SLC28A3: variants seen among roughly 807,000 people sequenced by gnomAD.
SLC28A3 encodes the protein concentrative Na(+)-nucleoside cotransporter 3.
In SLC28A3, 68 loss-of-function variants were observed where a neutral mutation model predicts 84.2. That is an observed-to-expected ratio of 0.81 (90% confidence interval 0.66 to 0.99). SLC28A3 has a LOEUF of 0.99. Among genes scored for constraint, SLC28A3 ranks in the 50% least tolerant of loss-of-function variants. The pLI, the probability that SLC28A3 is intolerant of heterozygous loss-of-function variation, is 0.00. For missense variants in SLC28A3, 712 were observed against 841.5 expected, an observed-to-expected ratio of 0.85 and a Z score of 1.90; for synonymous variants, 267 against 303.6, an observed-to-expected ratio of 0.88 and a Z score of 1.25.
chr9:84,308,098 C>CAT (rs769145946), intron 3 of SLC28A3, among the ~76,000 whole-genome samples: 16 of 152,142 alleles, frequency 1.1e-4, no homozygotes, highest in Non-Finnish European at 2.2e-4. Flanking sequence ...TCTTCTGATA[C>CAT]ATATAACAAA....
At chr9:84,367,154 A>G in the SLC28A3 span, among the ~76,000 whole-genome samples, 1 of 152,086 alleles carries the variant, frequency 6.6e-6, no homozygotes, top group Admixed American at 6.6e-5. Flanking sequence ...CTTCATAGCC[A>G]CCACCACCGC....
At chr9:84,280,094 G>T (rs763039024) in intron 15 of SLC28A3, 21 bp from the exon 16 acceptor site, 33 of 1,607,886 alleles carry the variant, frequency 2.1e-5, no homozygotes, top group Non-Finnish European at 2.8e-5. Context: ...TGGAAGGAGG[G>T]ATGTGAGATC....
At chr9:84,283,803 G>A (rs199777267) in intron 14 of SLC28A3, among the ~76,000 whole-genome samples, 5 of 152,322 alleles carry the variant, frequency 3.3e-5, no homozygotes, top group Middle Eastern at 3.4e-3. Context: ...CACATGGTAC[G>A]TTCTGTTCTG....
chr9:84,301,258 G>C (rs12377274), intron 5 of SLC28A3, among the ~76,000 whole-genome samples: 1 of 146,630 alleles, frequency 6.8e-6, no homozygotes, highest in African/African-American at 2.5e-5. Flanking sequence ...GCTGAGGCAC[G>C]AGAATCATTT....
intron 1 of SLC28A3, among the ~76,000 whole-genome samples, chr9:84,319,339 A>G (rs889271301): frequency 6.6e-6 from 1 of 152,084 alleles, no homozygotes; most frequent in African/African-American, 2.4e-5. Context: ...TTCTTCCTTA[A>G]ATACAGGGTT....
intron 14 of SLC28A3, among the ~76,000 whole-genome samples, chr9:84,282,159 TAAAAG>T (rs1028687780): frequency 2.0e-5 from 3 of 151,816 alleles, no homozygotes; most frequent in African/African-American, 7.3e-5. Flanking sequence ...ATAATAAAAA[TAAAAG>T]AAATTCTAGA....
In SLC28A3 at chr9:84,292,475, G is replaced by GTCTCTCTC. The variant is rs57280644; in HGVS notation, c.1023+185_1023+192dup. 3.3e-3 allele frequency: 1,250 copies of GTCTCTCTC among 376,556 alleles called. 15 individuals are homozygous for GTCTCTCTC. The highest frequency in any genetic ancestry group is 0.027 in the African/African-American group (1,149 of 42,850). 23.3% of individuals were successfully genotyped at this position (376,556 alleles called of 1,614,324 possible). A position where few individuals can be genotyped will look rare whatever the true frequency, so the allele number is the denominator to read the frequency against. The stretch of plus-strand genomic sequence containing the variant: ...TCTCTGTCTCTCTGTCTCTCTCTCT[G>GTCTCTCTC]TCTCTCTCTCTCTCTCTCTCTGTCT... On this transcript the variant is annotated intron_variant, in intron 10 of 17. Transcript: ENST00000376238.
intron 1 of SLC28A3, among the ~76,000 whole-genome samples, chr9:84,318,130 T>A (rs1826236133): frequency 6.6e-6 from 1 of 152,178 alleles, no homozygotes; most frequent in South Asian, 2.1e-4. Context: ...ACTTTCTGGC[T>A]CAAGTCTCGG....
intron 14 of SLC28A3, among the ~76,000 whole-genome samples, chr9:84,282,029 C>T (rs746330774): frequency 1.3e-5 from 2 of 152,204 alleles, no homozygotes; most frequent in Non-Finnish European, 1.5e-5. Flanking sequence ...GTAATCCCAG[C>T]TACTCGGGAG....
the SLC28A3 span, among the ~76,000 whole-genome samples, chr9:84,360,079 T>C: frequency 3.3e-5 from 5 of 150,556 alleles, no homozygotes; most frequent in East Asian, 9.8e-4. Flanking sequence ...GACTCTGACG[T>C]GGGAAGGAAC....
At chr9:84,322,238 T>TAGA (rs1263395901) in intron 1 of SLC28A3, among the ~76,000 whole-genome samples, 10 of 151,998 alleles carry the variant, frequency 6.6e-5, no homozygotes, top group African/African-American at 2.4e-4. Flanking sequence ...TGGAATAAGA[T>TAGA]AGAAGAAGAA....
At chr9:84,320,432 A>T (rs1826337306) in intron 1 of SLC28A3, among the ~76,000 whole-genome samples, 1 of 152,072 alleles carries the variant, frequency 6.6e-6, no homozygotes, top group Admixed American at 6.6e-5. Context: ...TTCAGTTTTC[A>T]TCATGCACCA....
At chr9:84,290,043 A>C in intron 11 of SLC28A3, 111 bp downstream of exon 11, 1 of 1,435,418 alleles carries the variant, frequency 7.0e-7, no homozygotes, top group Non-Finnish European at 9.3e-7. Context: ...CCATATGGCA[A>C]AAAAAGACAC....
Position 84,294,182 on chromosome 9 carries a change from C to G in SLC28A3, c.942+13G>C. On this transcript the variant is annotated intron_variant, in intron 9 of 17. Transcript: ENST00000376238. ...CTCTACACCTATAACCCAGTCCCTC[C>G]CAGCCCCAGTACCTTTCTAATAATC... 1 of 1,613,470 alleles carries G rather than the reference C, an allele frequency of 6.2e-7. No homozygotes were observed. Among genetic ancestry groups the G allele is most frequent in the South Asian group, 1.1e-5 (1 of 90,978 alleles).
At chr9:84,285,289 G>A (rs1358371940) in intron 14 of SLC28A3, 56 bp downstream of exon 14, 10 of 1,525,980 alleles carry the variant, frequency 6.6e-6, no homozygotes, top group South Asian at 1.2e-5. Context: ...ATAAGTAATA[G>A]ACGAATGCAG....
chr9:84,330,495 TGA>T (rs1826740325), intron 1 of SLC28A3, among the ~76,000 whole-genome samples: 1 of 152,224 alleles, frequency 6.6e-6, no homozygotes, highest in South Asian at 2.1e-4. Context: ...AAGTGGTTAC[TGA>T]GTGCTTGAAA....
At chr9:84,356,031 C>T in the SLC28A3 span, among the ~76,000 whole-genome samples, 1 of 152,034 alleles carries the variant, frequency 6.6e-6, no homozygotes, top group Non-Finnish European at 1.5e-5. Flanking sequence ...ATTGTCCAGG[C>T]TGGTCTCAAA....
upstream of SLC28A3, among the ~76,000 whole-genome samples, chr9:84,345,531 T>C (rs1309182852): frequency 6.6e-6 from 1 of 152,200 alleles, no homozygotes; most frequent in Non-Finnish European, 1.5e-5. Context: ...TTTAGAAATG[T>C]AACGATGTGT....
At chr9:84,352,892 CAAAAAAAAAAA>C in the SLC28A3 span, among the ~76,000 whole-genome samples, 1 of 72,808 alleles carries the variant, frequency 1.4e-5, no homozygotes, top group Non-Finnish European at 2.5e-5. Flanking sequence ...GATTCTGTCT[CAAAAAAAAAAA>C]AAAAAAAAAA....
Sources: allele counts gnomAD v4.1 joint callset (sites outside exome capture counted in the v4.1 genomes callset), GRCh38; gene constraint gnomAD v4.1.1; transcripts MANE v1.5; gene names NCBI Gene and HGNC (gene_info 2026-07-23, HGNC 2026-07-21).